The following ABCB1 variants were observed in gnomAD, a reference collection of about 807,000 sequenced individuals.
The protein encoded by ABCB1 is ATP-dependent translocase ABCB1.
In ABCB1, 69 loss-of-function variants were observed where a neutral mutation model predicts 142.0. That is an observed-to-expected ratio of 0.49 (90% CI 0.40 to 0.59). The LOEUF is 0.59. ABCB1 is among the 20% of genes least tolerant of loss of function. The pLI, the probability that ABCB1 is intolerant of heterozygous loss-of-function variation, is 0.00. For missense variants in ABCB1, 1,326 were observed against 1,554.7 expected (o/e 0.85, Z 2.47); for synonymous variants, 532 against 539.2 (o/e 0.99, Z 0.18).
At chr7:87,621,172 A>G (rs1820209823) in intron 1 of ABCB1, among the ~76,000 whole-genome samples, 1 of 152,144 alleles carries the variant, frequency 6.6e-6, no homozygotes, top group Non-Finnish European at 1.5e-5. Context: ...TTACGTTTCT[A>G]TGGAAGAACA....
At chr7:87,598,311 T>C (rs973225175) in intron 2 of ABCB1, among the ~76,000 whole-genome samples, 1 of 152,164 alleles carries the variant, frequency 6.6e-6, no homozygotes, top group African/African-American at 2.4e-5. Context: ...AGTCTACAAG[T>C]TTAATTGTAT....
intron 3 of ABCB1, among the ~76,000 whole-genome samples, chr7:87,591,283 T>C (rs1018787260): frequency 1.3e-5 from 2 of 152,332 alleles, no homozygotes; most frequent in South Asian, 4.1e-4. Flanking sequence ...ACCTTGACTT[T>C]AGCCCAGTAA....
At position 87,571,675 on chromosome 7, in the gene ABCB1, C is replaced by G. The variant is rs190285734; in HGVS notation, c.287-1452G>C. ...ATAAGAAGTCAGCAAAAAGAGCTAC[C>G]CTGGTCAGAGGAGAGATTATTAGTT... On this transcript the variant is annotated intron_variant, in intron 4 of 27. Transcript: ENST00000622132. Among the ~76,000 whole-genome samples the G allele has an allele frequency of 2.6e-5, 4 of 152,120 alleles. No homozygotes were observed. In the East Asian group the frequency reaches 7.7e-4, roughly 29 times the overall value.
chr7:87,504,746 A>G (rs1814654205), intron 27 of ABCB1, among the ~76,000 whole-genome samples: 1 of 150,846 alleles, frequency 6.6e-6, no homozygotes, highest in African/African-American at 2.4e-5. Flanking sequence ...CAGAGCTTGC[A>G]GGGAGCCAAG....
intron 1 of ABCB1, among the ~76,000 whole-genome samples, chr7:87,660,350 G>T (rs1824562525): frequency 6.6e-6 from 1 of 151,974 alleles, no homozygotes; most frequent in Non-Finnish European, 1.5e-5. Context: ...CCTTAAAGTT[G>T]TCAATGTCTT....
intron 1 of ABCB1, among the ~76,000 whole-genome samples, chr7:87,674,154 C>T (rs925618783): frequency 3.3e-5 from 5 of 152,180 alleles, no homozygotes; most frequent in African/African-American, 4.8e-5. Flanking sequence ...ACCACTTCAT[C>T]GAGGTGGTGG....
intron 1 of ABCB1, among the ~76,000 whole-genome samples, chr7:87,615,541 A>G (rs956376724): frequency 6.6e-6 from 1 of 152,218 alleles, no homozygotes; most frequent in African/African-American, 2.4e-5. Context: ...ATCAGACTGT[A>G]GGGAGCCAAG....
chr7:87,628,898 C>A, intron 1 of ABCB1: 1 of 1,304,982 alleles, frequency 7.7e-7, no homozygotes. Flanking sequence ...AAAGCCTGAG[C>A]GCCCGCAATG....
chr7:87,700,624 G>A (rs1828949187), intron 1 of ABCB1: 1 of 1,398,914 alleles, frequency 7.1e-7, no homozygotes, highest in African/African-American at 1.4e-5. Flanking sequence ...GCAGGAAGGT[G>A]TGAAGCTACT....
intron 1 of ABCB1, among the ~76,000 whole-genome samples, chr7:87,709,090 C>G (rs946793462): frequency 6.6e-6 from 1 of 152,090 alleles, no homozygotes; most frequent in Non-Finnish European, 1.5e-5. Context: ...AGAAAAGAAA[C>G]CATTAAAATT....
At chr7:87,541,595 T>TTC in intron 17 of ABCB1, 131 bp from the exon 18 acceptor site, 1 of 721,532 alleles carries the variant, frequency 1.4e-6, no homozygotes. Flanking sequence ...GGGGTTGGCT[T>TTC]TCCTATTGCC....
rs151257158 is a variant in ABCB1 at position 87,673,783 on chromosome 7, T to A, written c.-331+39378A>T. On this transcript the variant is annotated intron_variant, in intron 1 of 28. Transcript: ENST00000265724. ...TAGTTGTTTGGAGGTAATAAGACAC[T>A]CTGGCTGTTTGAGTTGCCAGAGGTC... Among the ~76,000 whole-genome samples, 3 of 152,326 alleles carry A rather than the reference T, an allele frequency of 2.0e-5. No individual in the cohort carries two copies. In the East Asian group the frequency reaches 5.8e-4, roughly 29 times the overall value.
intron 1 of ABCB1, among the ~76,000 whole-genome samples, chr7:87,611,853 T>C (rs1354674971): frequency 6.6e-6 from 1 of 152,168 alleles, no homozygotes; most frequent in East Asian, 1.9e-4. Flanking sequence ...AGATGGCTTC[T>C]GCACTCCAGT....
chr7:87,706,263 T>C (rs1174841415), intron 1 of ABCB1, among the ~76,000 whole-genome samples: 2 of 152,122 alleles, frequency 1.3e-5, no homozygotes, highest in African/African-American at 4.8e-5. Context: ...TTATTCTCAG[T>C]GCAGTGGGGG....
chr7:87,537,956 T>G (rs28381946), intron 19 of ABCB1, among the ~76,000 whole-genome samples: 2,841 of 152,292 alleles, frequency 0.019, 22 homozygotes, highest in Non-Finnish European at 0.029. Context: ...AGTGCTATAA[T>G]TTATTATAGT....
At chr7:87,521,845 G>A in intron 21 of ABCB1, 1 of 772,620 alleles carries the variant, frequency 1.3e-6, no homozygotes, top group East Asian at 2.4e-5. Context: ...TGAATAGTAT[G>A]GAAAAATTGA....
intron 27 of ABCB1, among the ~76,000 whole-genome samples, chr7:87,505,229 T>C (rs956119698): frequency 3.3e-5 from 5 of 152,120 alleles, no homozygotes; most frequent in African/African-American, 9.7e-5. Context: ...CCTTCCAAAG[T>C]GTTGGGGTTA....
chr7:87,668,463 T>A (rs1216346923), intron 1 of ABCB1, among the ~76,000 whole-genome samples: 1 of 152,120 alleles, frequency 6.6e-6, no homozygotes, highest in Non-Finnish European at 1.5e-5. Flanking sequence ...TTTGATTGTT[T>A]TTTTTGTGTC....
chr7:87,636,067 T>C (rs1277582417), intron 1 of ABCB1, among the ~76,000 whole-genome samples: 4 of 152,228 alleles, frequency 2.6e-5, no homozygotes, highest in South Asian at 2.1e-4. Context: ...ATTTTTGTGA[T>C]GATATGTACA....
Sources: allele counts gnomAD v4.1 joint callset (sites outside exome capture counted in the v4.1 genomes callset), GRCh38; gene constraint gnomAD v4.1.1; transcripts MANE v1.5; gene names NCBI Gene and HGNC (gene_info 2026-07-23, HGNC 2026-07-21).